Variants in HACD3 observed in about 807,000 individuals in gnomAD.
HACD3 encodes the protein very-long-chain (3R)-3-hydroxyacyl-CoA dehydratase 3.
HACD3 carries 30 observed loss-of-function variants against 55.2 expected under a neutral mutation model. The ratio of observed to expected loss-of-function variants is 0.54; its 90% CI spans 0.41 to 0.74. HACD3 has a LOEUF of 0.74. Among genes scored for constraint, HACD3 ranks in the 30% least tolerant of loss-of-function variants. The pLI is 0.00. For synonymous variants in HACD3, 141 were observed against 151.7 expected, an observed-to-expected ratio of 0.93 and a Z score of 0.52; for missense variants, 363 against 440.1, an observed-to-expected ratio of 0.82 and a Z score of 1.57.
At chr15:65,571,763 A>G in intron 9 of HACD3, 109 bp downstream of exon 9, 2 of 844,710 alleles carry the variant, frequency 2.4e-6, no homozygotes, top group Non-Finnish European at 3.7e-6. Flanking sequence ...GAAATGTTGG[A>G]TTTTTCAGGG....
intron 9 of HACD3, among the ~76,000 whole-genome samples, 183 bp from the exon 10 acceptor site, chr15:65,572,052 G>A (rs575853610): frequency 6.6e-6 from 1 of 152,256 alleles, no homozygotes; most frequent in South Asian, 2.1e-4. Flanking sequence ...TTGACAGGTT[G>A]GAGGCTGATC....
intron 2 of HACD3, 120 bp from the exon 3 acceptor site, chr15:65,554,765 ACT>A (rs1397602317): frequency 2.8e-5 from 18 of 643,048 alleles, no homozygotes; most frequent in South Asian, 2.4e-4. Context: ...ACAGAGCAAG[ACT>A]CTGTCTCAAA....
intron 1 of HACD3, among the ~76,000 whole-genome samples, chr15:65,532,513 T>C (rs866472279): frequency 6.6e-6 from 1 of 152,046 alleles, no homozygotes; most frequent in Middle Eastern, 3.4e-3. Flanking sequence ...TAATTCACTA[T>C]GTTGGCTACT....
intron 1 of HACD3, among the ~76,000 whole-genome samples, chr15:65,550,572 C>T (rs1031052149): frequency 5.9e-5 from 9 of 152,180 alleles, no homozygotes; most frequent in Non-Finnish European, 1.5e-5. Context: ...TTCTACCAAG[C>T]ATTTAAATAA....
intron 1 of HACD3, among the ~76,000 whole-genome samples, chr15:65,541,899 T>C (rs2072022830): frequency 6.6e-6 from 1 of 152,028 alleles, no homozygotes; most frequent in Non-Finnish European, 1.5e-5. Flanking sequence ...GAATGTATAT[T>C]GTATGCTAAT....
At chr15:65,555,053 A>T (rs1474261630) in intron 3 of HACD3, 93 bp downstream of exon 3, 19 of 1,002,042 alleles carry the variant, frequency 1.9e-5, no homozygotes, top group Non-Finnish European at 2.9e-5. Context: ...GGAGAGAAGA[A>T]GATAAAAACC....
At chr15:65,552,298 T>TTA (rs1567335003) in intron 2 of HACD3, among the ~76,000 whole-genome samples, 1 of 151,692 alleles carries the variant, frequency 6.6e-6, no homozygotes, top group Non-Finnish European at 1.5e-5. Flanking sequence ...CTGCTTTTTT[T>TTA]AAAAAAAAAT....
chr15:65,530,815 C>G, intron 1 of HACD3, 97 bp downstream of exon 1: 1 of 1,201,900 alleles, frequency 8.3e-7, no homozygotes, highest in Non-Finnish European at 1.1e-6. Context: ...CGCCGGAGAG[C>G]CTGCAGTGCG....
At position 65,577,249 on chromosome 15, in the gene HACD3, A is replaced by AC. The variant is rs2072412523; in HGVS notation, c.*874dup. 1 of 152,128 alleles carries AC rather than the reference A, an allele frequency of 6.6e-6. No individual in the cohort carries two copies. The highest frequency in any genetic ancestry group is 2.1e-4 in the South Asian group (1 of 4,818). The allele number at this position is 152,128 out of a possible 1,614,324, so 9.4% of individuals were successfully genotyped here. A position where few individuals can be genotyped will look rare whatever the true frequency, so the allele number is the denominator to read the frequency against. On this transcript the variant is annotated 3_prime_UTR_variant, in exon 11 of 11. Transcript: ENST00000261875. ...AGACCAGCTTGGGCAACGTAGTGAGACCCCTATCTCTACAAAAAATAAAAA... is the reference window on the plus strand; with the variant it reads ...AGACCAGCTTGGGCAACGTAGTGAGACCCCCTATCTCTACAAAAAATAAAAA...
At chr15:65,546,473 CA>C (rs987431005) in intron 1 of HACD3, among the ~76,000 whole-genome samples, 18 of 152,248 alleles carry the variant, frequency 1.2e-4, no homozygotes, top group Admixed American at 8.5e-4. Flanking sequence ...ATATAAAAGG[CA>C]AATATTGGGA....
intron 6 of HACD3, 132 bp downstream of exon 6, chr15:65,563,016 GT>G: frequency 2.2e-6 from 3 of 1,364,704 alleles, no homozygotes; most frequent in Non-Finnish European, 3.0e-6. Context: ...ACTTTTCGTT[GT>G]GCTTTCATAG....
rs2072424864 is a variant in HACD3, at chr15:65,577,931, A to T, written c.*1552A>T. On this transcript the variant is annotated 3_prime_UTR_variant, in exon 11 of 11. Transcript: ENST00000261875. ...ATACATTCCAAGTAAACCAAGTAAA[A>T]TAAGTGTTGGAGTAACACTTGCATA... 6.6e-6 allele frequency: 1 copy of T among 152,656 alleles called. No individual in the cohort carries two copies. Among genetic ancestry groups the T allele is most frequent in the Non-Finnish European group, 1.5e-5 (1 of 68,036 alleles). The allele number at this position is 152,656 out of a possible 1,614,324, so 9.5% of individuals were successfully genotyped here.
At chr15:65,535,466 A>G (rs1428111774) in intron 1 of HACD3, among the ~76,000 whole-genome samples, 4 of 152,246 alleles carry the variant, frequency 2.6e-5, no homozygotes, top group Non-Finnish European at 5.9e-5. Flanking sequence ...GACCAGGCAC[A>G]TGTACAGGCA....
chr15:65,541,139 A>G (rs933753585), intron 1 of HACD3, among the ~76,000 whole-genome samples: 1 of 152,218 alleles, frequency 6.6e-6, no homozygotes, highest in African/African-American at 2.4e-5. Flanking sequence ...AACAATTTCC[A>G]TGTGAAAATG....
chr15:65,543,130 A>G (rs2072038915), intron 1 of HACD3, among the ~76,000 whole-genome samples: 1 of 152,034 alleles, frequency 6.6e-6, no homozygotes, highest in Non-Finnish European at 1.5e-5. Flanking sequence ...CAGAACCAAA[A>G]GGACCTAACT....
chr15:65,549,741 C>T (rs1285354112), intron 1 of HACD3, among the ~76,000 whole-genome samples: 1 of 152,220 alleles, frequency 6.6e-6, no homozygotes, highest in South Asian at 2.1e-4. Flanking sequence ...CCCATTCCAT[C>T]TGCCTGTCTC....
chr15:65,563,524 C>A (rs945683801), intron 6 of HACD3, among the ~76,000 whole-genome samples: 1 of 152,064 alleles, frequency 6.6e-6, no homozygotes, highest in Non-Finnish European at 1.5e-5. Flanking sequence ...AAAGTATGGA[C>A]CAGGTGTAGT....
intron 2 of HACD3, among the ~76,000 whole-genome samples, chr15:65,553,355 T>C (rs2072154483): frequency 6.6e-6 from 1 of 152,104 alleles, no homozygotes; most frequent in Non-Finnish European, 1.5e-5. Flanking sequence ...TTTTCAGCTC[T>C]GACAGTCTCT....
intron 3 of HACD3, among the ~76,000 whole-genome samples, chr15:65,556,139 T>C (rs2072186427): frequency 6.6e-6 from 1 of 152,132 alleles, no homozygotes; most frequent in South Asian, 2.1e-4. Context: ...GATGGTGGAA[T>C]GGGGATGGTT....
Sources: allele counts gnomAD v4.1 joint callset (sites outside exome capture counted in the v4.1 genomes callset), GRCh38; gene constraint gnomAD v4.1.1; transcripts MANE v1.5; gene names NCBI Gene and HGNC (gene_info 2026-07-23, HGNC 2026-07-21).